The following ZBTB49 variants were observed in gnomAD, a reference collection of about 807,000 sequenced individuals.
ZBTB49 encodes the protein zinc finger and BTB domain containing 49.
ZBTB49 carries 43 observed loss-of-function variants against 57.5 expected under a neutral mutation model. The observed-to-expected ratio is 0.75, with a 90% confidence interval of 0.59 to 0.97. The LOEUF is 0.97. Ranked by LOEUF, ZBTB49 falls within the 50% of genes least tolerant of loss-of-function variation. ZBTB49 has a pLI of 0.00. For missense variants in ZBTB49, 938 were observed against 947.7 expected (o/e 0.99, Z 0.13); for synonymous variants, 369 against 362.1 (o/e 1.02, Z -0.22).
chr4:4,311,136 C>A (rs562636233), intron 4 of ZBTB49, among the ~76,000 whole-genome samples: 2 of 152,210 alleles, frequency 1.3e-5, no homozygotes, highest in African/African-American at 2.4e-5. Context: ...AGGTAAAGAA[C>A]ACTTTAAAGA....
chr4:4,291,883 C>T (rs934218154), intron 1 of ZBTB49, among the ~76,000 whole-genome samples: 4 of 152,188 alleles, frequency 2.6e-5, no homozygotes, highest in Admixed American at 6.5e-5. Context: ...GTAATCCCAG[C>T]GCTTTGGGAG....
In ZBTB49 at chr4:4,300,089, G is replaced by C. The variant is rs150256712; in HGVS notation, c.144G>C (p.Gln48His). Residue 48 changes from glutamine (Q) to histidine (H), a missense_variant, in exon 2 of 8, where the codon CAG becomes CAC. By Grantham distance (24) the Gln-to-His change is conservative. This residue lies in a region of ZBTB49 where 100 missense variants were observed against 112.5 expected (regional missense o/e 0.89). Transcript: ENST00000337872. The part of the protein sequence containing the change: ...AHKNVLAAFS[Q>H]YFRSLFQNSS... ...AGAATGTCCTGGCAGCATTCAGCCAGTATTTTAGGTGGGTATTTTAGACTT... is the reference window on the plus strand; with the variant it reads ...AGAATGTCCTGGCAGCATTCAGCCACTATTTTAGGTGGGTATTTTAGACTT... The C allele has an allele frequency of 1.2e-6, 2 of 1,613,978 alleles. No individual in the cohort carries two copies. Among genetic ancestry groups the C allele is most frequent in the African/African-American group, 2.7e-5 (2 of 74,922 alleles).
chr4:4,294,129 T>A (rs1056875575), intron 1 of ZBTB49, among the ~76,000 whole-genome samples: 3 of 152,336 alleles, frequency 2.0e-5, no homozygotes, highest in Non-Finnish European at 4.4e-5. Flanking sequence ...GTATTTGTCA[T>A]AATCATTACT....
chr4:4,301,941 A>T (rs1185594175), intron 2 of ZBTB49, 48 bp from the exon 3 acceptor site: 2 of 1,416,038 alleles, frequency 1.4e-6, no homozygotes, highest in African/African-American at 2.9e-5. Flanking sequence ...TAAGAAAAAG[A>T]TGGTGTGAAT....
intron 4 of ZBTB49, among the ~76,000 whole-genome samples, chr4:4,307,643 C>G (rs899417530): frequency 6.6e-6 from 1 of 152,192 alleles, no homozygotes; most frequent in Non-Finnish European, 1.5e-5. Flanking sequence ...TCCTGTCCAT[C>G]CTCATGACCC....
In ZBTB49 at chr4:4,315,820, T is replaced by G; in HGVS notation, c.1471T>G (p.Phe491Val). ...TATGGTCTCTCTAGGGTTTAGTAACTTCAGTAATTTGAAGGAGCACAAAAA... is the reference window on the plus strand; with the variant it reads ...TATGGTCTCTCTAGGGTTTAGTAACGTCAGTAATTTGAAGGAGCACAAAAA... ...CDICGRGFSN[F>V]SNLKEHKKTH... The change falls in exon 7 of 8, where the codon TTC (phenylalanine) becomes GTC (valine). Residue 491 changes from phenylalanine to valine, a missense_variant. Transcript: ENST00000337872. The G allele has an allele frequency of 6.2e-7, 1 of 1,614,216 alleles. No homozygotes were observed. Among genetic ancestry groups the G allele is most frequent in the Non-Finnish European group, 8.5e-7 (1 of 1,180,040 alleles).
intron 4 of ZBTB49, among the ~76,000 whole-genome samples, chr4:4,309,720 G>A (rs910656556): frequency 2.6e-5 from 4 of 152,202 alleles, no homozygotes; most frequent in Admixed American, 2.0e-4. Flanking sequence ...GTGGACTCAT[G>A]CCAGAGGTGA....
At chr4:4,307,579 A>C (rs1252593534) in intron 4 of ZBTB49, among the ~76,000 whole-genome samples, 1 of 152,158 alleles carries the variant, frequency 6.6e-6, no homozygotes, top group Non-Finnish European at 1.5e-5. Flanking sequence ...GGCACATAGT[A>C]AGCGCTCAAG....
At position 4,321,510 on chromosome 4, in the gene ZBTB49, G is replaced by C; in HGVS notation, c.*194G>C. The C allele has an allele frequency of 1.6e-6, 1 of 641,360 alleles. No individual in the cohort carries two copies. The highest frequency in any genetic ancestry group is 2.6e-6 in the Non-Finnish European group (1 of 380,712). The allele number at this position is 641,360 out of a possible 1,614,324, so 39.7% of individuals were successfully genotyped here. On this transcript the variant is annotated 3_prime_UTR_variant, in exon 8 of 8. Coordinates refer to ENST00000337872, the MANE Select transcript of ZBTB49 (RefSeq NM_145291.4). Reference sequence around the variant, plus strand: ...GAGGGGGAGGGCCTGCTGGCTCACCGTGAGGCAGCCGCGGGAGGGAGCGCT... The same window carrying C: ...GAGGGGGAGGGCCTGCTGGCTCACCCTGAGGCAGCCGCGGGAGGGAGCGCT...
intron 1 of ZBTB49, among the ~76,000 whole-genome samples, chr4:4,297,773 CAAA>C (rs554296344): frequency 1.9e-4 from 22 of 115,682 alleles, no homozygotes; most frequent in East Asian, 4.8e-4. Context: ...GATCCTGTTT[CAAA>C]AAAAAAAAAA....
In ZBTB49 at chr4:4,302,426, C is replaced by G. The variant is rs185992603; in HGVS notation, c.590C>G (p.Thr197Ser). 6.8e-6 allele frequency: 11 copies of G among 1,614,206 alleles called. 1 individual carries two copies. The East Asian group carries it at 2.0e-4, about 29-fold the overall frequency. ...GAAATCTCAAAACAAGCTCCTGATA[C>G]TTCAGATGGCAGCTGCACAGAACTG... ...AGEISKQAPDTSDGSCTELPF... is the reference protein window; with the variant it reads ...AGEISKQAPDSSDGSCTELPF... The change falls in exon 3 of 8, where the codon ACT becomes AGT. Residue 197 changes from threonine (T) to serine (S), a missense_variant. Thr to Ser is a moderately conservative substitution (Grantham distance 58, BLOSUM62 1). Coordinates refer to ENST00000337872, the MANE Select transcript of ZBTB49 (RefSeq NM_145291.4).
At chr4:4,303,786 A>C (rs557236841) in intron 3 of ZBTB49, among the ~76,000 whole-genome samples, 1,136 of 75,926 alleles carry the variant, frequency 0.015, 21 homozygotes, top group African/African-American at 0.055. Flanking sequence ...CTCTCTCTCT[A>C]TATATATATC....
At chr4:4,294,671 A>G (rs1052921826) in intron 1 of ZBTB49, among the ~76,000 whole-genome samples, 1 of 152,124 alleles carries the variant, frequency 6.6e-6, no homozygotes, top group Non-Finnish European at 1.5e-5. Context: ...TCCTATAGTA[A>G]AAGTAAATTG....
chr4:4,303,252 T>A (rs1418590759), intron 3 of ZBTB49, among the ~76,000 whole-genome samples, 161 bp downstream of exon 3: 1 of 152,256 alleles, frequency 6.6e-6, no homozygotes, highest in Non-Finnish European at 1.5e-5. Flanking sequence ...TTTATATTTT[T>A]GGTGATGCAT....
chr4:4,321,572 A>C lies in ZBTB49; in HGVS notation c.*256A>C, dbSNP rs1483841447. 7.5e-6 allele frequency: 4 copies of C among 534,444 alleles called. No individual in the cohort carries two copies. The highest frequency in any genetic ancestry group is 1.3e-5 in the Non-Finnish European group (4 of 302,208). The allele number at this position is 534,444 out of a possible 1,614,324, so 33.1% of individuals were successfully genotyped here. ...AGCGAAGGCTTGATGCTGTCTCAGC[A>C]GCCTCAGCTGTGGGGGGGAAGCGCG... On this transcript the variant is annotated 3_prime_UTR_variant, in exon 8 of 8. Coordinates refer to ENST00000337872, the MANE Select transcript of ZBTB49 (RefSeq NM_145291.4).
At chr4:4,307,225 G>A (rs1030614881) in intron 4 of ZBTB49, among the ~76,000 whole-genome samples, 3 of 152,138 alleles carry the variant, frequency 2.0e-5, no homozygotes, top group Admixed American at 2.0e-4. Context: ...TGGGCCTGGG[G>A]CCATGTCTTC....
At chr4:4,313,206 G>A (rs1721047530) in intron 5 of ZBTB49, 92 bp downstream of exon 5, 2 of 1,457,760 alleles carry the variant, frequency 1.4e-6, no homozygotes, top group Admixed American at 1.9e-5. Flanking sequence ...GTGGCTCACA[G>A]ATGAGCCACA....
chr4:4,315,361 T>G (rs528549000), intron 5 of ZBTB49, among the ~76,000 whole-genome samples: 1 of 152,330 alleles, frequency 6.6e-6, no homozygotes, highest in South Asian at 2.1e-4. Flanking sequence ...CCGTACGGTA[T>G]CTGATCTTGT....
intron 3 of ZBTB49, 92 bp downstream of exon 3, chr4:4,303,183 CTGT>C: frequency 7.1e-7 from 1 of 1,407,322 alleles, no homozygotes; most frequent in Non-Finnish European, 9.4e-7. Flanking sequence ...AGAAGTTTTG[CTGT>C]TGTTTGATGT....
Sources: allele counts gnomAD v4.1 joint callset (sites outside exome capture counted in the v4.1 genomes callset), GRCh38; gene constraint gnomAD v4.1.1; regional missense constraint gnomAD v4.1.1; transcripts MANE v1.5; gene names NCBI Gene and HGNC (gene_info 2026-07-23, HGNC 2026-07-21).